The following TMEM184B variants were observed in gnomAD, a reference collection of about 807,000 sequenced individuals.
TMEM184B encodes transmembrane protein 184B, also known as putative MAPK-activating protein FM08.
TMEM184B carries 17 observed loss-of-function variants against 41.8 expected under a neutral mutation model. That is an observed-to-expected ratio of 0.41 (90% CI 0.28 to 0.61). The LOEUF (loss-of-function observed/expected upper bound fraction) is 0.61. Ranked by LOEUF, TMEM184B falls within the 20% of genes least tolerant of loss-of-function variation. The probability of loss-of-function intolerance (pLI) is 0.34; values close to 1 mark genes in which losing one functional copy is unlikely to be tolerated. For synonymous variants in TMEM184B, 240 were observed against 229.5 expected (o/e 1.05, Z -0.41); for missense variants, 393 against 557.8 (o/e 0.70, Z 2.98).
intron 2 of TMEM184B, 24 bp downstream of exon 2, chr22:38,247,746 A>G (rs765507760): frequency 3.1e-6 from 5 of 1,600,852 alleles, no homozygotes; most frequent in Non-Finnish European, 8.5e-7. Context: ...ACCTTTCTAG[A>G]GGCCCCTTGC....
intron 1 of TMEM184B, among the ~76,000 whole-genome samples, chr22:38,259,857 C>A (rs2092343574): frequency 6.6e-6 from 1 of 151,920 alleles, no homozygotes; most frequent in Non-Finnish European, 1.5e-5. Context: ...CTCACTGCAA[C>A]CTCTGCCTCC....
Position 38,221,335 on chromosome 22 carries a change from A to G in TMEM184B, c.*134T>C. The G allele has an allele frequency of 2.1e-6, 3 of 1,414,990 alleles. No individual in the cohort carries two copies. In the South Asian group the frequency reaches 4.7e-5, roughly 22 times the overall value. 87.7% of individuals were successfully genotyped at this position (1,414,990 alleles called of 1,614,324 possible). A position where few individuals can be genotyped will look rare whatever the true frequency, so the allele number is the denominator to read the frequency against. Reference sequence around the variant, plus strand: ...CCCGTTCCTCTGGAAGTGACATGTGAGTGTTTCTGGTCCAATAAATAAAGG... The same window carrying G: ...CCCGTTCCTCTGGAAGTGACATGTGGGTGTTTCTGGTCCAATAAATAAAGG... On this transcript the variant is annotated 3_prime_UTR_variant, in exon 9 of 9. Transcript: ENST00000361906.
intron 1 of TMEM184B, among the ~76,000 whole-genome samples, chr22:38,260,883 C>T (rs915447668): frequency 1.1e-4 from 17 of 152,206 alleles, no homozygotes; most frequent in Admixed American, 3.9e-4. Flanking sequence ...GCTGCAGCCA[C>T]GAAGTGCTCA....
At position 38,221,675 on chromosome 22, in the gene TMEM184B, G is replaced by A; in HGVS notation, c.1018C>T (p.Leu340Phe). ...CAPMKSISSS[L>F]KETMNPHDIV... Reference sequence around the variant, plus strand: ...TCGTGCGGGTTCATGGTCTCCTTGAGGCTGCTGGAGATGCTCTTCATGGGG... The same window carrying A: ...TCGTGCGGGTTCATGGTCTCCTTGAAGCTGCTGGAGATGCTCTTCATGGGG... The change falls in exon 9 of 9, where the codon CTC (leucine) becomes TTC (phenylalanine). Residue 340 changes from leucine to phenylalanine, a missense_variant. Coordinates refer to ENST00000361906, the MANE Select transcript of TMEM184B (RefSeq NM_012264.5). The A allele has an allele frequency of 6.2e-7, 1 of 1,614,074 alleles. No homozygotes were observed. Among genetic ancestry groups the A allele is most frequent in the Non-Finnish European group, 8.5e-7 (1 of 1,179,986 alleles).
intron 3 of TMEM184B, among the ~76,000 whole-genome samples, chr22:38,233,564 A>G (rs2091691538): frequency 6.6e-6 from 1 of 152,194 alleles, no homozygotes; most frequent in Non-Finnish European, 1.5e-5. Context: ...CTCAGGACAG[A>G]CAAGTCTCCA....
chr22:38,241,744 T>G (rs944396467), intron 3 of TMEM184B, among the ~76,000 whole-genome samples: 1 of 149,404 alleles, frequency 6.7e-6, no homozygotes, highest in African/African-American at 2.5e-5. Flanking sequence ...ATTAGCCAGG[T>G]GTGGTGGCGG....
chr22:38,272,622 G>A (rs1602522788), intron 1 of TMEM184B: 1 of 985,390 alleles, frequency 1.0e-6, no homozygotes, highest in African/African-American at 1.7e-5. Flanking sequence ...CACTCCAGGA[G>A]CTGCCCCCGC....
In TMEM184B at chr22:38,235,899, C is replaced by T. The variant is rs563730278; in HGVS notation, c.359-4565G>A. 3.1e-3 allele frequency among the ~76,000 whole-genome samples: 474 copies of T among 152,310 alleles called. 2 individuals carry two copies. Among genetic ancestry groups the T allele is most frequent in the African/African-American group, 0.011 (459 of 41,566 alleles). ...CTTGACCGGGAAGCTCACTGCCCAC[C>T]GCCCTTCCCACCACGGCTCCAGTAC... On this transcript the variant is annotated intron_variant, in intron 3 of 8. Transcript: ENST00000361906.
chr22:38,238,583 CCTT>C (rs2091837010), intron 3 of TMEM184B, among the ~76,000 whole-genome samples: 1 of 152,242 alleles, frequency 6.6e-6, no homozygotes, highest in South Asian at 2.1e-4. Context: ...GCCAGGGAGT[CCTT>C]CTGGCAGCAA....
At chr22:38,263,289 T>C (rs942833538) in intron 1 of TMEM184B, among the ~76,000 whole-genome samples, 1 of 152,170 alleles carries the variant, frequency 6.6e-6, no homozygotes, top group Non-Finnish European at 1.5e-5. Flanking sequence ...CAATCTCCCA[T>C]GACCAGCACC....
At chr22:38,229,282 A>G (rs2091541983) in intron 5 of TMEM184B, among the ~76,000 whole-genome samples, 1 of 152,250 alleles carries the variant, frequency 6.6e-6, no homozygotes, top group African/African-American at 2.4e-5. Flanking sequence ...CAAGGTCATG[A>G]AGAGTGGGCG....
intron 1 of TMEM184B, among the ~76,000 whole-genome samples, chr22:38,252,382 C>G (rs2092186297): frequency 6.6e-6 from 1 of 152,172 alleles, no homozygotes; most frequent in Non-Finnish European, 1.5e-5. Flanking sequence ...CCTAATTGAC[C>G]AAGTGTTAAA....
rs1428786223 is a variant in TMEM184B at position 38,273,006 on chromosome 22, G to A, written c.-181C>T. 1.1e-5 allele frequency: 2 copies of A among 174,176 alleles called. No homozygotes were observed. Among genetic ancestry groups the A allele is most frequent in the African/African-American group, 2.4e-5 (1 of 41,704 alleles). The allele number at this position is 174,176 out of a possible 1,614,324, so 10.8% of individuals were successfully genotyped here. On this transcript the variant is annotated 5_prime_UTR_variant, in exon 1 of 9. Coordinates refer to ENST00000361906, the MANE Select transcript of TMEM184B (RefSeq NM_012264.5). ...GCCGCCGGCGCGTCCCGGGCCCAGT[G>A]GAGTGCAGCCGCGGCGCGCATGCGC...
At chr22:38,232,091 T>A (rs1221738204) in intron 3 of TMEM184B, 3 of 155,582 alleles carry the variant, frequency 1.9e-5, no homozygotes, top group African/African-American at 7.2e-5. Flanking sequence ...TCTGTGAAAA[T>A]CTTGGGAGAA....
At chr22:38,253,338 G>C (rs1268714637) in intron 1 of TMEM184B, among the ~76,000 whole-genome samples, 1 of 152,182 alleles carries the variant, frequency 6.6e-6, no homozygotes, top group Non-Finnish European at 1.5e-5. Flanking sequence ...GGGAGGCCAA[G>C]GTGGGTGGAT....
At chr22:38,224,038 G>A (rs1301595573) in intron 8 of TMEM184B, 1 of 152,290 alleles carries the variant, frequency 6.6e-6, no homozygotes, top group Non-Finnish European at 1.5e-5. Context: ...CTAGCAAGGA[G>A]GAAGATTCGC....
intron 5 of TMEM184B, among the ~76,000 whole-genome samples, chr22:38,227,873 C>A (rs541777615): frequency 2.0e-5 from 3 of 152,228 alleles, no homozygotes; most frequent in African/African-American, 4.8e-5. Context: ...CGATTCCCTA[C>A]GGGCGGACCC....
rs2091233117 is a variant in TMEM184B at position 38,220,660 on chromosome 22, C to T, written c.*809G>A. The T allele has an allele frequency of 1.0e-6, 1 of 986,178 alleles. No individual in the cohort carries two copies. The highest frequency in any genetic ancestry group is 1.2e-6 in the Non-Finnish European group (1 of 830,168). The allele number at this position is 986,178 out of a possible 1,614,324, so 61.1% of individuals were successfully genotyped here. On this transcript the variant is annotated 3_prime_UTR_variant, in exon 9 of 9. Coordinates refer to ENST00000361906, the MANE Select transcript of TMEM184B (RefSeq NM_012264.5). ...GGCTGGGAGCCCCTGAGCCCTGAAG[C>T]AGCCAGGAAGCAAGGGCTCTGCCCA...
chr22:38,253,582 A>C (rs139338631), intron 1 of TMEM184B, among the ~76,000 whole-genome samples: 1,532 of 152,242 alleles, frequency 0.01, 15 homozygotes, highest in Non-Finnish European at 0.014. Context: ...AAAATAAATA[A>C]ATAAATAAAT....
Sources: gnomAD v4.1 joint callset for allele counts (sites outside exome capture counted in the v4.1 genomes callset) on GRCh38, gnomAD v4.1.1 for gene constraint, MANE v1.5 for transcripts, NCBI Gene and HGNC (gene_info 2026-07-23, HGNC 2026-07-21) for gene names.